The following ZPBP variants were observed in gnomAD, a reference collection of about 807,000 sequenced individuals.
The protein encoded by ZPBP is zona pellucida binding protein.
ZPBP carries 26 observed loss-of-function variants against 44.8 expected under a neutral mutation model. The ratio of observed to expected loss-of-function variants is 0.58; its 90% CI spans 0.43 to 0.81. The LOEUF (loss-of-function observed/expected upper bound fraction) is 0.81. Among genes scored for constraint, ZPBP ranks in the 30% least tolerant of loss-of-function variants. ZPBP has a pLI of 0.00. For missense variants in ZPBP, 409 were observed against 434.0 expected, an observed-to-expected ratio of 0.94 and a Z score of 0.51; for synonymous variants, 174 against 153.2, an observed-to-expected ratio of 1.14 and a Z score of -1.00.
chr7:50,009,885 C>A (rs1433049415), intron 6 of ZPBP, among the ~76,000 whole-genome samples: 4 of 151,874 alleles, frequency 2.6e-5, no homozygotes, highest in Non-Finnish European at 5.9e-5. Flanking sequence ...TAACGTTCTT[C>A]AAAATAACTC....
intron 7 of ZPBP, among the ~76,000 whole-genome samples, chr7:49,957,439 C>T (rs1397067752): frequency 6.6e-6 from 1 of 152,150 alleles, no homozygotes; most frequent in African/African-American, 2.4e-5. Flanking sequence ...GACATCGAGG[C>T]TTGCTTCCCA....
At chr7:49,982,356 T>C (rs1326415365) in intron 7 of ZPBP, among the ~76,000 whole-genome samples, 2 of 129,816 alleles carry the variant, frequency 1.5e-5, no homozygotes, top group East Asian at 2.0e-4. Context: ...TATATAATTA[T>C]ATATAATATA....
At chr7:50,080,993 T>C (rs902966291) in intron 3 of ZPBP, among the ~76,000 whole-genome samples, 80 of 151,794 alleles carry the variant, frequency 5.3e-4, no homozygotes, top group African/African-American at 1.9e-3. Flanking sequence ...TCTTTAAAAT[T>C]ACCTATTTTT....
intron 7 of ZPBP, among the ~76,000 whole-genome samples, chr7:49,980,867 T>C (rs1796829416): frequency 6.6e-6 from 1 of 152,018 alleles, no homozygotes; most frequent in South Asian, 2.1e-4. Flanking sequence ...CATTAAGTCA[T>C]TTCTAATTGT....
At chr7:49,864,735 T>G (rs1241793118) in intron 2 of ZPBP, among the ~76,000 whole-genome samples, 2 of 152,206 alleles carry the variant, frequency 1.3e-5, no homozygotes, top group African/African-American at 4.8e-5. Flanking sequence ...CAATAATTTA[T>G]GAATGCTGTC....
chr7:50,077,114 T>C (rs1378165309), intron 3 of ZPBP, among the ~76,000 whole-genome samples: 2 of 152,026 alleles, frequency 1.3e-5, no homozygotes, highest in East Asian at 1.9e-4. Context: ...GGTGAATTCA[T>C]TTTTGACAAC....
At chr7:50,055,699 G>A (rs1364601459) in intron 4 of ZPBP, among the ~76,000 whole-genome samples, 1 of 152,076 alleles carries the variant, frequency 6.6e-6, no homozygotes, top group African/African-American at 2.4e-5. Context: ...TATAAATATG[G>A]ATTTTGCTGT....
intron 5 of ZPBP, among the ~76,000 whole-genome samples, chr7:50,022,025 G>A (rs751609255): frequency 6.6e-6 from 1 of 152,036 alleles, no homozygotes; most frequent in Non-Finnish European, 1.5e-5. Flanking sequence ...AGGATAGAAG[G>A]CAGTGGGATG....
intron 2 of ZPBP, among the ~76,000 whole-genome samples, chr7:49,885,581 A>G (rs1791868116): frequency 6.6e-6 from 1 of 152,192 alleles, no homozygotes; most frequent in African/African-American, 2.4e-5. Flanking sequence ...CAGTCTCCTA[A>G]ACAGGGACAA....
intron 2 of ZPBP, among the ~76,000 whole-genome samples, chr7:49,879,621 G>A (rs1002247721): frequency 5.3e-5 from 8 of 152,132 alleles, no homozygotes; most frequent in Admixed American, 2.0e-4. Flanking sequence ...GGCATTCACA[G>A]GCAACTCTGT....
intron 5 of ZPBP, among the ~76,000 whole-genome samples, chr7:50,024,651 T>C (rs906409344): frequency 6.6e-6 from 1 of 151,870 alleles, no homozygotes; most frequent in Non-Finnish European, 1.5e-5. Flanking sequence ...AGAATGGTGG[T>C]TACCCAGGGG....
intron 2 of ZPBP, among the ~76,000 whole-genome samples, chr7:49,857,695 G>A (rs1202451344): frequency 6.6e-6 from 1 of 152,016 alleles, no homozygotes; most frequent in Non-Finnish European, 1.5e-5. Context: ...TGTGACTCTT[G>A]GTGGGAATGC....
chr7:49,869,783 C>T (rs954706299), intron 2 of ZPBP, among the ~76,000 whole-genome samples: 2 of 152,038 alleles, frequency 1.3e-5, no homozygotes, highest in Non-Finnish European at 2.9e-5. Flanking sequence ...TGGATGTGCA[C>T]GGCCACAAAC....
intron 7 of ZPBP, among the ~76,000 whole-genome samples, chr7:49,974,735 G>T (rs1796429761): frequency 6.6e-6 from 1 of 152,110 alleles, no homozygotes; most frequent in Non-Finnish European, 1.5e-5. Flanking sequence ...ATCTGATGTT[G>T]AACTTTGTCC....
intron 1 of ZPBP, chr7:49,920,137 A>G (rs1300899369): frequency 6.6e-6 from 1 of 152,202 alleles, no homozygotes; most frequent in African/African-American, 2.4e-5. Flanking sequence ...TAATTTGGAT[A>G]TGGAAGCAAA....
intron 1 of ZPBP, among the ~76,000 whole-genome samples, chr7:49,905,667 C>A (rs1170114956): frequency 6.6e-6 from 1 of 152,132 alleles, no homozygotes; most frequent in Admixed American, 6.5e-5. Flanking sequence ...GAACCAGAGC[C>A]ACTCCATCTT....
At chr7:50,032,775 C>T (rs1056588268) in intron 4 of ZPBP, among the ~76,000 whole-genome samples, 10 of 152,192 alleles carry the variant, frequency 6.6e-5, no homozygotes, top group Non-Finnish European at 1.2e-4. Flanking sequence ...CCCTAATAAA[C>T]ATTCTGGATG....
intron 2 of ZPBP, among the ~76,000 whole-genome samples, chr7:49,859,498 GTTC>G (rs1192799668): frequency 6.6e-6 from 1 of 151,816 alleles, no homozygotes; most frequent in East Asian, 1.9e-4. Flanking sequence ...TTTTCTTGTT[GTTC>G]TTCACGTGGA....
intron 4 of ZPBP, among the ~76,000 whole-genome samples, chr7:50,037,340 G>A (rs1395110609): frequency 6.6e-6 from 1 of 152,198 alleles, no homozygotes; most frequent in African/African-American, 2.4e-5. Flanking sequence ...TCTATCGCAT[G>A]TCAGTAAGAA....
Sources: allele counts gnomAD v4.1 joint callset (sites outside exome capture counted in the v4.1 genomes callset), GRCh38; gene constraint gnomAD v4.1.1; transcripts MANE v1.5; gene names NCBI Gene and HGNC (gene_info 2026-07-23, HGNC 2026-07-21).